Variants in FOXK2 observed in about 807,000 individuals in gnomAD.
FOXK2 encodes forkhead box K2.
In FOXK2, 24 loss-of-function variants were observed where a neutral mutation model predicts 53.3. That is an observed-to-expected ratio of 0.45 (90% CI 0.33 to 0.63). The LOEUF (loss-of-function observed/expected upper bound fraction) is 0.63, where lower values mean the gene tolerates loss of function less well. FOXK2 is among the 30% of genes least tolerant of loss of function. The probability of loss-of-function intolerance (pLI) is 0.03; values close to 1 mark genes in which losing one functional copy is unlikely to be tolerated. For synonymous variants in FOXK2, 505 were observed against 407.1 expected, an observed-to-expected ratio of 1.24 and a Z score of -2.89; for missense variants, 952 against 910.5, an observed-to-expected ratio of 1.05 and a Z score of -0.59.
intron 8 of FOXK2, chr17:82,595,776 C>T (rs1315900205): frequency 5.4e-6 from 7 of 1,289,550 alleles, no homozygotes; most frequent in South Asian, 4.9e-5. Flanking sequence ...CCACTCCTCT[C>T]CCCAGGGCCC....
At chr17:82,555,853 A>G (rs1490729974) in intron 1 of FOXK2, among the ~76,000 whole-genome samples, 3 of 135,856 alleles carry the variant, frequency 2.2e-5, no homozygotes, top group South Asian at 2.4e-4. Context: ...GTGCCACTGC[A>G]CTCCAGCCTG....
At chr17:82,533,438 C>T (rs2044490987) in intron 1 of FOXK2, among the ~76,000 whole-genome samples, 2 of 151,862 alleles carry the variant, frequency 1.3e-5, no homozygotes, top group South Asian at 2.1e-4. Context: ...TGTAGTGAGC[C>T]GAGACCGTGC....
At chr17:82,554,330 A>G (rs554165673) in intron 1 of FOXK2, among the ~76,000 whole-genome samples, 18 of 152,158 alleles carry the variant, frequency 1.2e-4, no homozygotes, top group Non-Finnish European at 2.2e-4. Context: ...CTTTGTTCCT[A>G]AGGAACCTGT....
intron 2 of FOXK2, among the ~76,000 whole-genome samples, chr17:82,565,730 G>A (rs1428662238): frequency 2.0e-5 from 3 of 152,202 alleles, no homozygotes; most frequent in African/African-American, 4.8e-5. Flanking sequence ...CCGTGCAGCT[G>A]CTGTGGAAAC....
intron 1 of FOXK2, among the ~76,000 whole-genome samples, chr17:82,521,763 T>C (rs2044364263): frequency 8.2e-6 from 1 of 122,298 alleles, no homozygotes; most frequent in Non-Finnish European, 1.7e-5. Context: ...AACCCGTCTC[T>C]ACTAAAAATA....
rs2045303071 is a variant in FOXK2, at chr17:82,595,728, T to C, written c.1787-5575T>C. The C allele has an allele frequency of 4.7e-6, 6 of 1,278,466 alleles. No individual in the cohort carries two copies. The Admixed American group carries it at 1.4e-4, about 30-fold the overall frequency. 79.2% of individuals were successfully genotyped at this position (1,278,466 alleles called of 1,614,324 possible). Reference sequence around the variant, plus strand: ...GCCTGTGTCACTATTCCCTGGGCCCTAAAAGTGCACCTGGCTCCTGTGACT... The same window carrying C: ...GCCTGTGTCACTATTCCCTGGGCCCCAAAAGTGCACCTGGCTCCTGTGACT... On this transcript the variant is annotated intron_variant, in intron 8 of 8. Transcript: ENST00000335255.
At chr17:82,525,959 T>TCTTATGTGGCCTGAATCCCACACTTC (rs1292511242) in intron 1 of FOXK2, among the ~76,000 whole-genome samples, 1 of 152,124 alleles carries the variant, frequency 6.6e-6, no homozygotes, top group African/African-American at 2.4e-5. Context: ...ACACTTACTT[T>TCTTATGTGGCCTGAATCCCACACTTC]CTTATGTGGC....
intron 7 of FOXK2, among the ~76,000 whole-genome samples, 153 bp downstream of exon 7, chr17:82,586,353 C>CA (rs1185237429): frequency 1.4e-3 from 33 of 23,656 alleles, no homozygotes; most frequent in Admixed American, 3.1e-3. Flanking sequence ...CAAAGGTAGG[C>CA]GGAGGGGAAA....
intron 1 of FOXK2, 55 bp from the exon 2 acceptor site, chr17:82,563,299 G>C: frequency 6.4e-7 from 1 of 1,556,612 alleles, no homozygotes; most frequent in East Asian, 2.3e-5. Context: ...TGGGGACTCT[G>C]CCCTGCCCCG....
chr17:82,573,467 G>A (rs1299040601), intron 4 of FOXK2, among the ~76,000 whole-genome samples: 1 of 151,718 alleles, frequency 6.6e-6, no homozygotes, highest in Admixed American at 6.6e-5. Context: ...CATATTGCAT[G>A]CTAAATTCTG....
At chr17:82,543,176 A>AT in intron 1 of FOXK2, among the ~76,000 whole-genome samples, 1 of 109,296 alleles carries the variant, frequency 9.1e-6, no homozygotes, top group Non-Finnish European at 2.0e-5. Flanking sequence ...TGTTATCTAA[A>AT]TCCACAACTA....
At chr17:82,527,914 C>T (rs2044434220) in intron 1 of FOXK2, among the ~76,000 whole-genome samples, 1 of 152,176 alleles carries the variant, frequency 6.6e-6, no homozygotes, top group East Asian at 1.9e-4. Context: ...GATCTTCCCA[C>T]CTCAGTCTCC....
chr17:82,523,918 C>T (rs1477794847), intron 1 of FOXK2, among the ~76,000 whole-genome samples: 2 of 152,116 alleles, frequency 1.3e-5, no homozygotes, highest in Admixed American at 1.3e-4. Flanking sequence ...AGTATTATTA[C>T]GAGTCTCACT....
chr17:82,569,785 T>C (rs1207652767), intron 3 of FOXK2, among the ~76,000 whole-genome samples: 1 of 150,732 alleles, frequency 6.6e-6, no homozygotes, highest in Non-Finnish European at 1.5e-5. Context: ...GCAGAATCAC[T>C]TGAGTTCAAA....
At chr17:82,594,674 T>C (rs964623046) in intron 8 of FOXK2, among the ~76,000 whole-genome samples, 1 of 152,134 alleles carries the variant, frequency 6.6e-6, no homozygotes, top group Admixed American at 6.5e-5. Context: ...CCCTTGTGAG[T>C]GTCTGCAGAT....
chr17:82,520,371 G>C, intron 1 of FOXK2, 64 bp downstream of exon 1: 1 of 1,199,744 alleles, frequency 8.3e-7, no homozygotes, highest in Non-Finnish European at 1.0e-6. Context: ...GGACGGGACG[G>C]GACACGCGCC....
intron 1 of FOXK2, among the ~76,000 whole-genome samples, chr17:82,531,785 A>G (rs2044473956): frequency 6.6e-6 from 1 of 152,218 alleles, no homozygotes; most frequent in Non-Finnish European, 1.5e-5. Flanking sequence ...GTGAATGTGA[A>G]GGCCTAGGAC....
At chr17:82,557,831 G>A (rs758612644) in intron 1 of FOXK2, among the ~76,000 whole-genome samples, 24 of 152,198 alleles carry the variant, frequency 1.6e-4, no homozygotes, top group Non-Finnish European at 2.1e-4. Flanking sequence ...AACATTTTTT[G>A]TAGATATGTG....
intron 3 of FOXK2, among the ~76,000 whole-genome samples, chr17:82,569,560 T>G (rs1598217300): frequency 6.6e-6 from 1 of 152,220 alleles, no homozygotes; most frequent in Non-Finnish European, 1.5e-5. Context: ...ATGTTCACTT[T>G]GCAAAAATTT....
Sources: allele counts gnomAD v4.1 joint callset (sites outside exome capture counted in the v4.1 genomes callset), GRCh38; gene constraint gnomAD v4.1.1; transcripts MANE v1.5; gene names NCBI Gene and HGNC (gene_info 2026-07-23, HGNC 2026-07-21).